Variants in KCTD8 observed in about 807,000 individuals in gnomAD.
The protein encoded by KCTD8 is BTB/POZ domain-containing protein KCTD8.
A neutral mutation model predicts 31.5 loss-of-function variants in KCTD8; 27 were observed. The ratio of observed to expected loss-of-function variants is 0.86; its 90% CI spans 0.63 to 1.18. The LOEUF is 1.18. Among genes scored for constraint, KCTD8 ranks in the 50% most tolerant of loss-of-function variants. The pLI is 0.00. For synonymous variants in KCTD8, 290 were observed against 280.0 expected (o/e 1.04, Z -0.36); for missense variants, 658 against 647.7 (o/e 1.02, Z -0.17).
At chr4:44,314,257 A>G (rs766567056) in intron 1 of KCTD8, among the ~76,000 whole-genome samples, 2 of 152,124 alleles carry the variant, frequency 1.3e-5, no homozygotes, top group Non-Finnish European at 2.9e-5. Context: ...AAAAACAGAG[A>G]GATAGAGGAT....
Position 44,405,154 on chromosome 4 carries a change from C to T in KCTD8, c.961+42409G>A, listed in dbSNP as rs755758441. ...CAACCAAGGATTGACAACACCCTTA[C>T]GTGCTTACATGGTCTTAGGTTAAAA... On this transcript the variant is annotated intron_variant, in intron 1 of 1. Transcript: ENST00000360029. Among the ~76,000 whole-genome samples the T allele has an allele frequency of 7.3e-5, 11 of 151,256 alleles. No individual in the cohort carries two copies. In the East Asian group the frequency reaches 1.2e-3, roughly 16 times the overall value.
rs868344542 is a variant in KCTD8, at chr4:44,437,838, G to T, written c.961+9725C>A. 2.6e-5 allele frequency among the ~76,000 whole-genome samples: 4 copies of T among 152,148 alleles called. No homozygotes were observed. The Middle Eastern group carries it at 0.01, about 388-fold the overall frequency. Reference sequence around the variant, plus strand: ...AAAACAAATCTACACAGTGATGAAGGTTAAGAATATAGCCCAAAGACTTTG... The same window carrying T: ...AAAACAAATCTACACAGTGATGAAGTTTAAGAATATAGCCCAAAGACTTTG... On this transcript the variant is annotated intron_variant, in intron 1 of 1. Transcript: ENST00000360029.
At chr4:44,223,638 AG>A (rs1319943161) in intron 1 of KCTD8, among the ~76,000 whole-genome samples, 1 of 152,218 alleles carries the variant, frequency 6.6e-6, no homozygotes, top group African/African-American at 2.4e-5. Flanking sequence ...GCAGAGTAAA[AG>A]GTATGTCAAT....
At chr4:44,260,952 T>C (rs183096338) in intron 1 of KCTD8, among the ~76,000 whole-genome samples, 13 of 152,056 alleles carry the variant, frequency 8.5e-5, no homozygotes, top group East Asian at 1.9e-4. Flanking sequence ...CTAGAACCTA[T>C]TGAGTTAAAA....
At chr4:44,258,146 T>C (rs1214027702) in intron 1 of KCTD8, among the ~76,000 whole-genome samples, 1 of 151,980 alleles carries the variant, frequency 6.6e-6, no homozygotes, top group Non-Finnish European at 1.5e-5. Context: ...CAAGTCATGG[T>C]TAATTGTCAC....
chr4:44,300,194 T>C (rs1489890373), intron 1 of KCTD8, among the ~76,000 whole-genome samples: 2 of 152,162 alleles, frequency 1.3e-5, no homozygotes, highest in Admixed American at 6.5e-5. Flanking sequence ...TATGAGTAAA[T>C]TAGAACAGAT....
At chr4:44,223,830 A>G (rs913150824) in intron 1 of KCTD8, among the ~76,000 whole-genome samples, 3 of 152,196 alleles carry the variant, frequency 2.0e-5, no homozygotes, top group Non-Finnish European at 4.4e-5. Context: ...ATAAAGTTTT[A>G]TTGGAACACG....
intron 1 of KCTD8, among the ~76,000 whole-genome samples, chr4:44,251,208 C>A (rs1437801512): frequency 1.3e-5 from 2 of 151,566 alleles, no homozygotes; most frequent in African/African-American, 4.8e-5. Context: ...TCACAGATAT[C>A]AAAATATTTT....
chr4:44,217,373 T>C (rs556075347), intron 1 of KCTD8, among the ~76,000 whole-genome samples: 2 of 152,214 alleles, frequency 1.3e-5, no homozygotes, highest in Non-Finnish European at 2.9e-5. Flanking sequence ...GTCAAAGTGG[T>C]CTGTAGGAAG....
At chr4:44,267,584 CA>C (rs1313513605) in intron 1 of KCTD8, among the ~76,000 whole-genome samples, 1 of 151,876 alleles carries the variant, frequency 6.6e-6, no homozygotes, top group Non-Finnish European at 1.5e-5. Flanking sequence ...TAAAAACCCT[CA>C]AAAAATTAAT....
intron 1 of KCTD8, among the ~76,000 whole-genome samples, chr4:44,244,291 A>G (rs542133126): frequency 6.6e-6 from 1 of 152,080 alleles, no homozygotes; most frequent in East Asian, 1.9e-4. Flanking sequence ...ATAGAGCCCA[A>G]TTTTTTATCT....
At chr4:44,360,556 C>T (rs890499760) in intron 1 of KCTD8, among the ~76,000 whole-genome samples, 18 of 151,966 alleles carry the variant, frequency 1.2e-4, no homozygotes, top group Non-Finnish European at 2.4e-4. Flanking sequence ...AACTAAGGAA[C>T]AAGTGTTTTC....
intron 1 of KCTD8, among the ~76,000 whole-genome samples, chr4:44,261,609 C>T (rs543482986): frequency 2.2e-4 from 34 of 151,944 alleles, no homozygotes; most frequent in African/African-American, 8.0e-4. Flanking sequence ...ACCCCCAACC[C>T]CTGGCAAACA....
intron 1 of KCTD8, among the ~76,000 whole-genome samples, chr4:44,244,107 G>T (rs1235580288): frequency 6.6e-6 from 1 of 152,142 alleles, no homozygotes; most frequent in African/African-American, 2.4e-5. Flanking sequence ...CAATTTGACT[G>T]GGCATTTGTA....
At chr4:44,245,394 A>G (rs1209181809) in intron 1 of KCTD8, among the ~76,000 whole-genome samples, 1 of 152,096 alleles carries the variant, frequency 6.6e-6, no homozygotes, top group Non-Finnish European at 1.5e-5. Flanking sequence ...ATGTTTGTAA[A>G]CCTCAGAAAA....
intron 1 of KCTD8, among the ~76,000 whole-genome samples, chr4:44,262,854 A>C (rs1577580737): frequency 6.6e-6 from 1 of 152,320 alleles, no homozygotes; most frequent in East Asian, 1.9e-4. Context: ...CATATTCAAA[A>C]ATTAATATTC....
chr4:44,347,382 T>C (rs1008180276), intron 1 of KCTD8, among the ~76,000 whole-genome samples: 1 of 152,282 alleles, frequency 6.6e-6, no homozygotes, highest in African/African-American at 2.4e-5. Context: ...GGCAAGTGAC[T>C]CAGCTTTCAC....
chr4:44,375,163 A>C (rs1187356549), intron 1 of KCTD8, among the ~76,000 whole-genome samples: 1 of 152,176 alleles, frequency 6.6e-6, no homozygotes, highest in African/African-American at 2.4e-5. Context: ...GATATAAGAC[A>C]ATAAAGAGTC....
intron 1 of KCTD8, among the ~76,000 whole-genome samples, chr4:44,247,473 G>C (rs1368823614): frequency 6.8e-6 from 1 of 147,916 alleles, no homozygotes; most frequent in African/African-American, 2.5e-5. Context: ...TGTGTGTGTG[G>C]AACATTTAAC....
Sources: allele counts gnomAD v4.1 joint callset (sites outside exome capture counted in the v4.1 genomes callset), GRCh38; gene constraint gnomAD v4.1.1; transcripts MANE v1.5; gene names NCBI Gene and HGNC (gene_info 2026-07-23, HGNC 2026-07-21).